Variants in TBC1D19 observed in about 807,000 individuals in gnomAD.
The protein encoded by TBC1D19 is TBC1 domain family member 19, also known as TBC1 domain family, member 19.
TBC1D19 carries 60 observed loss-of-function variants against 89.0 expected under a neutral mutation model. The observed-to-expected ratio is 0.67, with a 90% CI of 0.55 to 0.84. The LOEUF is 0.84. TBC1D19 is among the 40% of genes least tolerant of loss of function. The pLI, the probability that TBC1D19 is intolerant of heterozygous loss-of-function variation, is 0.00. For missense variants in TBC1D19, 500 were observed against 610.8 expected, an observed-to-expected ratio of 0.82 and a Z score of 1.91; for synonymous variants, 189 against 199.7, an observed-to-expected ratio of 0.95 and a Z score of 0.45.
chr4:26,632,519 T>C (rs1482306937), intron 4 of TBC1D19, among the ~76,000 whole-genome samples: 1 of 151,936 alleles, frequency 6.6e-6, no homozygotes, highest in Non-Finnish European at 1.5e-5. Flanking sequence ...CATCTTCACA[T>C]TGAGTAGGCT....
At chr4:26,720,952 A>C (rs1209898596) in intron 15 of TBC1D19, among the ~76,000 whole-genome samples, 1 of 152,122 alleles carries the variant, frequency 6.6e-6, no homozygotes, top group African/African-American at 2.4e-5. Context: ...GAGTGTGTTT[A>C]ACTTTACTGA....
At chr4:26,613,868 C>T (rs1428460342) in intron 2 of TBC1D19, among the ~76,000 whole-genome samples, 2 of 152,076 alleles carry the variant, frequency 1.3e-5, no homozygotes, top group Admixed American at 6.6e-5. Flanking sequence ...GAGAGAGGTT[C>T]CCTAGTCCAA....
chr4:26,839,197 G>C, the TBC1D19 span, among the ~76,000 whole-genome samples: 1 of 151,714 alleles, frequency 6.6e-6, no homozygotes, highest in Non-Finnish European at 1.5e-5. Context: ...AAACAAAAAG[G>C]GTTTTTTTTT....
intron 1 of TBC1D19, among the ~76,000 whole-genome samples, chr4:26,594,033 A>G (rs1431888977): frequency 6.6e-6 from 1 of 152,224 alleles, no homozygotes; most frequent in Non-Finnish European, 1.5e-5. Flanking sequence ...ATAAAGACAC[A>G]TGCACACGTA....
At position 26,706,345 on chromosome 4, in the gene TBC1D19, C is replaced by A. The variant is rs540512840; in HGVS notation, c.955-11588C>A. Among the ~76,000 whole-genome samples, 8 of 151,998 alleles carry A rather than the reference C, an allele frequency of 5.3e-5. No homozygotes were observed. The South Asian group carries it at 1.7e-3, about 32-fold the overall frequency. On this transcript the variant is annotated intron_variant, in intron 13 of 20. Coordinates refer to ENST00000264866, the MANE Select transcript of TBC1D19 (RefSeq NM_018317.4). Reference sequence around the variant, plus strand: ...TTGGTCATAGTACTCTCTTATAATCCTTTTTATTTCTTTAGAGTCAGTGGT... The same window carrying A: ...TTGGTCATAGTACTCTCTTATAATCATTTTTATTTCTTTAGAGTCAGTGGT...
chr4:26,821,721 G>A, the TBC1D19 span, among the ~76,000 whole-genome samples: 2 of 152,330 alleles, frequency 1.3e-5, no homozygotes, highest in Middle Eastern at 3.4e-3. Context: ...ACTGTGCCAG[G>A]GAGTCAGAAG....
the TBC1D19 span, among the ~76,000 whole-genome samples, chr4:26,775,143 A>G: frequency 6.6e-6 from 1 of 152,206 alleles, no homozygotes; most frequent in South Asian, 2.1e-4. Context: ...TGTACCCTCC[A>G]AAACTCATGT....
At chr4:26,584,348 T>G in intron 1 of TBC1D19, 56 bp downstream of exon 1, 5 of 1,508,346 alleles carry the variant, frequency 3.3e-6, no homozygotes, top group Non-Finnish European at 4.5e-6. Context: ...GCGATGTCTC[T>G]TCTTCACCCT....
chr4:26,578,208 T>C (rs1739010333), intron 1 of TBC1D19, among the ~76,000 whole-genome samples: 1 of 152,186 alleles, frequency 6.6e-6, no homozygotes, highest in African/African-American at 2.4e-5. Context: ...AGTTATGCAG[T>C]AGAGCTCCTT....
At chr4:26,647,967 CT>C (rs35016999) in intron 7 of TBC1D19, among the ~76,000 whole-genome samples, 5 of 152,000 alleles carry the variant, frequency 3.3e-5, no homozygotes, top group African/African-American at 4.8e-5. Context: ...TATTGCTTGC[CT>C]TTTTCCATTA....
chr4:26,593,581 A>T (rs2109958784), intron 1 of TBC1D19, among the ~76,000 whole-genome samples: 1 of 152,332 alleles, frequency 6.6e-6, no homozygotes, highest in Admixed American at 6.5e-5. Context: ...AATTTTTGCA[A>T]TCTACTCATC....
At chr4:26,651,215 A>G (rs1211540325) in intron 7 of TBC1D19, among the ~76,000 whole-genome samples, 2 of 152,198 alleles carry the variant, frequency 1.3e-5, no homozygotes, top group Admixed American at 6.5e-5. Flanking sequence ...TTTTGGTTCC[A>G]TGCAAACTTT....
chr4:26,590,796 G>GTTTTGTTTTTTTTTTTT (rs1739722938), intron 1 of TBC1D19, among the ~76,000 whole-genome samples: 1 of 52,958 alleles, frequency 1.9e-5, no homozygotes, highest in Non-Finnish European at 3.1e-5. Flanking sequence ...TTGCAGGTCT[G>GTTTTGTTTTTTTTTTTT]TTTTTTTTTT....
chr4:26,840,077 T>G, the TBC1D19 span, among the ~76,000 whole-genome samples: 5 of 152,146 alleles, frequency 3.3e-5, no homozygotes, highest in Admixed American at 3.3e-4. Context: ...TCTTTCTCTC[T>G]TCCTCTCTTT....
chr4:26,807,241 G>A, the TBC1D19 span, among the ~76,000 whole-genome samples: 6 of 152,186 alleles, frequency 3.9e-5, no homozygotes, highest in East Asian at 1.9e-4. Context: ...ACCGGTATCC[G>A]ACCTGACTCA....
the TBC1D19 span, among the ~76,000 whole-genome samples, chr4:26,806,915 C>G: frequency 2.6e-5 from 4 of 152,122 alleles, no homozygotes; most frequent in African/African-American, 7.2e-5. Context: ...AGGGTCGTCT[C>G]CTAGAGCCTC....
the TBC1D19 span, among the ~76,000 whole-genome samples, chr4:26,762,395 A>G: frequency 6.6e-6 from 1 of 152,314 alleles, no homozygotes; most frequent in Middle Eastern, 3.4e-3. Flanking sequence ...TATGTAGTGT[A>G]CATATACTTA....
chr4:26,643,842 T>A (rs183345440), intron 7 of TBC1D19, among the ~76,000 whole-genome samples: 207 of 152,204 alleles, frequency 1.4e-3, no homozygotes, highest in African/African-American at 4.7e-3. Context: ...ATGGATAAAT[T>A]CCTCGACACA....
intron 1 of TBC1D19, among the ~76,000 whole-genome samples, chr4:26,605,353 T>A (rs1242583749): frequency 6.6e-6 from 1 of 151,020 alleles, no homozygotes; most frequent in Non-Finnish European, 1.5e-5. Flanking sequence ...GATTTCCAAT[T>A]TCATCCATGT....
Sources: allele counts gnomAD v4.1 joint callset (sites outside exome capture counted in the v4.1 genomes callset), GRCh38; gene constraint gnomAD v4.1.1; transcripts MANE v1.5; gene names NCBI Gene and HGNC (gene_info 2026-07-23, HGNC 2026-07-21).